Variants in FBXO36 observed in about 807,000 individuals in gnomAD.
The protein encoded by FBXO36 is F-box only protein 36.
Under a neutral mutation model 17.0 loss-of-function variants are expected in FBXO36, and 18 were observed. The observed-to-expected ratio is 1.06, with a 90% CI of 0.73 to 1.57. The LOEUF is 1.57. Ranked by LOEUF, FBXO36 falls within the 40% of genes most tolerant of loss-of-function variation. The pLI is 0.00. For missense variants in FBXO36, 229 were observed against 221.9 expected (o/e 1.03, Z -0.20); for synonymous variants, 83 against 85.3 (o/e 0.97, Z 0.15).
chr2:229,993,643 T>C (rs961926094), intron 2 of FBXO36, among the ~76,000 whole-genome samples: 1 of 152,212 alleles, frequency 6.6e-6, no homozygotes, highest in African/African-American at 2.4e-5. Flanking sequence ...AAATATATGT[T>C]AGTTACATTT....
chr2:229,988,427 G>A (rs1376804383), intron 2 of FBXO36, among the ~76,000 whole-genome samples: 1 of 152,102 alleles, frequency 6.6e-6, no homozygotes, highest in African/African-American at 2.4e-5. Context: ...TACACAAATA[G>A]CATTCTGCTC....
At chr2:229,949,079 C>A (rs1418431712) in intron 1 of FBXO36, among the ~76,000 whole-genome samples, 1 of 152,142 alleles carries the variant, frequency 6.6e-6, no homozygotes. Flanking sequence ...GTGATCCGCC[C>A]GCCTTGGCCT....
chr2:229,949,754 ACT>A (rs369096098), intron 1 of FBXO36, among the ~76,000 whole-genome samples: 78 of 151,874 alleles, frequency 5.1e-4, no homozygotes, highest in African/African-American at 1.6e-3. Flanking sequence ...TGAAACCCTG[ACT>A]CTACTAAAAA....
intron 1 of FBXO36, 152 bp from the exon 2 acceptor site, chr2:229,976,089 G>T (rs1372613919): frequency 5.4e-6 from 3 of 559,970 alleles, no homozygotes; most frequent in Non-Finnish European, 9.5e-6. Flanking sequence ...TTGATGCCCA[G>T]AGGTTAATTC....
At chr2:229,953,030 A>G (rs927768495) in intron 1 of FBXO36, among the ~76,000 whole-genome samples, 4 of 149,576 alleles carry the variant, frequency 2.7e-5, no homozygotes, top group African/African-American at 7.3e-5. Flanking sequence ...TGCCATGTGC[A>G]TGTATTGCCT....
At chr2:229,954,899 G>A (rs2077078459) in intron 1 of FBXO36, among the ~76,000 whole-genome samples, 1 of 150,480 alleles carries the variant, frequency 6.6e-6, no homozygotes. Flanking sequence ...GCCCAGGCTG[G>A]AGTACAGTGG....
In FBXO36 at chr2:229,924,497, A is replaced by G. The variant is rs546623756; in HGVS notation, c.96+1888A>G. ...TGATTTTCTATTTTTATCTACCTCA[A>G]GTAAGTTAGAATGTTTTAATTTTTA... On this transcript the variant is annotated intron_variant, in intron 1 of 3. Coordinates refer to ENST00000283946, the MANE Select transcript of FBXO36 (RefSeq NM_174899.5). Among the ~76,000 whole-genome samples, 9 of 152,284 alleles carry G rather than the reference A, an allele frequency of 5.9e-5. No individual in the cohort carries two copies. In the South Asian group the frequency reaches 1.7e-3, roughly 28 times the overall value.
chr2:229,954,579 G>C (rs1479071472), intron 1 of FBXO36, among the ~76,000 whole-genome samples: 1 of 107,304 alleles, frequency 9.3e-6, no homozygotes, highest in African/African-American at 3.6e-5. Flanking sequence ...CGGGAGTCTC[G>C]CTCTGTCACC....
At chr2:229,938,634 G>A (rs2076979481) in intron 1 of FBXO36, among the ~76,000 whole-genome samples, 1 of 148,276 alleles carries the variant, frequency 6.7e-6, no homozygotes, top group African/African-American at 2.5e-5. Context: ...ACAGGCACCC[G>A]CCATCATTCC....
At chr2:229,973,051 C>G (rs2077188990) in intron 1 of FBXO36, among the ~76,000 whole-genome samples, 1 of 150,278 alleles carries the variant, frequency 6.7e-6, no homozygotes. Flanking sequence ...CAGAGCAAGA[C>G]TCTGTCTCAA....
At chr2:229,931,449 C>G (rs1210839335) in intron 1 of FBXO36, among the ~76,000 whole-genome samples, 1 of 152,152 alleles carries the variant, frequency 6.6e-6, no homozygotes, top group Non-Finnish European at 1.5e-5. Context: ...AAGCTCTTGA[C>G]CTGGGGCAAG....
At position 229,959,565 on chromosome 2, in the gene FBXO36, G is replaced by A. The variant is rs1383267281; in HGVS notation, c.97-16676G>A. 7.2e-5 allele frequency among the ~76,000 whole-genome samples: 11 copies of A among 152,158 alleles called. 1 individual carries two copies. The highest frequency in any genetic ancestry group is 2.4e-4 in the African/African-American group (10 of 41,420). On this transcript the variant is annotated intron_variant, in intron 1 of 3. Coordinates refer to ENST00000283946, the MANE Select transcript of FBXO36 (RefSeq NM_174899.5). ...TCTATAAAGAATATTGCCAAAGTAGGCTGGGCGCGGTGGCTCATGCCTGGA... is the reference window on the plus strand; with the variant it reads ...TCTATAAAGAATATTGCCAAAGTAGACTGGGCGCGGTGGCTCATGCCTGGA...
intron 1 of FBXO36, among the ~76,000 whole-genome samples, chr2:229,934,125 G>C (rs1435000945): frequency 6.6e-6 from 1 of 152,052 alleles, no homozygotes; most frequent in African/African-American, 2.4e-5. Context: ...TGTGCAGCCG[G>C]GTGCGGTGGC....
rs2077077340 is a variant in FBXO36 at position 229,954,750 on chromosome 2, T to C, written c.97-21491T>C. ...TTTTAGTGGAGACGGGGTTTCACCG[T>C]GTTAGCCAGGATGGACTCAATCTCC... On this transcript the variant is annotated intron_variant, in intron 1 of 3. Transcript: ENST00000283946. Among the ~76,000 whole-genome samples, 3 of 149,850 alleles carry C rather than the reference T, an allele frequency of 2.0e-5. No homozygotes were observed. The South Asian group carries it at 6.3e-4, about 31-fold the overall frequency.
chr2:229,943,640 G>T (rs1311363330), intron 1 of FBXO36, among the ~76,000 whole-genome samples: 1 of 152,126 alleles, frequency 6.6e-6, no homozygotes, highest in African/African-American at 2.4e-5. Flanking sequence ...AGGAGCCCTG[G>T]CCCGTGGGCA....
intron 1 of FBXO36, among the ~76,000 whole-genome samples, chr2:229,934,728 C>A (rs147392142): frequency 6.6e-6 from 1 of 152,128 alleles, no homozygotes; most frequent in Admixed American, 6.5e-5. Context: ...GATCTTGGCT[C>A]GCTGCAACCT....
At chr2:229,977,569 G>T (rs1272652651) in intron 2 of FBXO36, among the ~76,000 whole-genome samples, 1 of 152,060 alleles carries the variant, frequency 6.6e-6, no homozygotes, top group Non-Finnish European at 1.5e-5. Flanking sequence ...TTGTGCCTCA[G>T]CCTCCCGAGT....
intron 1 of FBXO36, among the ~76,000 whole-genome samples, chr2:229,928,227 G>A (rs1214332721): frequency 6.6e-6 from 1 of 152,172 alleles, no homozygotes; most frequent in Non-Finnish European, 1.5e-5. Context: ...AAACAATGCG[G>A]TGGATCTCTG....
intron 1 of FBXO36, among the ~76,000 whole-genome samples, chr2:229,949,700 C>G (rs1012590861): frequency 6.6e-6 from 1 of 151,756 alleles, no homozygotes; most frequent in Admixed American, 6.6e-5. Context: ...CCAAGGCGGG[C>G]GGATCACGAG....
Sources: allele counts gnomAD v4.1 joint callset (sites outside exome capture counted in the v4.1 genomes callset), GRCh38; gene constraint gnomAD v4.1.1; transcripts MANE v1.5; gene names NCBI Gene and HGNC (gene_info 2026-07-23, HGNC 2026-07-21).